DAB1: variants seen among roughly 807,000 people sequenced by gnomAD.
DAB1 encodes disabled homolog 1.
A neutral mutation model predicts 64.6 loss-of-function variants in DAB1; 15 were observed. The observed-to-expected ratio is 0.23, with a 90% CI of 0.16 to 0.36. The LOEUF (loss-of-function observed/expected upper bound fraction) is 0.36. Among genes scored for constraint, DAB1 ranks in the 10% least tolerant of loss-of-function variants. DAB1 has a pLI of 1.00. For missense variants in DAB1, 596 were observed against 706.7 expected, an observed-to-expected ratio of 0.84 and a Z score of 1.78; for synonymous variants, 235 against 251.9, an observed-to-expected ratio of 0.93 and a Z score of 0.64.
At chr1:58,461,317 G>A (rs192624132) in intron 3 of DAB1, among the ~76,000 whole-genome samples, 1 of 152,226 alleles carries the variant, frequency 6.6e-6, no homozygotes, top group East Asian at 1.9e-4. Context: ...TGCCAGTAGA[G>A]GAATATGATC....
chr1:58,531,691 T>C (rs906219461), intron 1 of DAB1, among the ~76,000 whole-genome samples: 16 of 142,580 alleles, frequency 1.1e-4, no homozygotes, highest in African/African-American at 4.1e-4. Context: ...CAAATGTGTG[T>C]TTTGAAAAAC....
intron 7 of DAB1, among the ~76,000 whole-genome samples, chr1:57,536,833 G>A (rs2101435455): frequency 6.6e-6 from 1 of 151,360 alleles, no homozygotes; most frequent in Non-Finnish European, 1.5e-5. Context: ...CCATGCTTCT[G>A]TTCCCATGGT....
At chr1:58,423,811 C>T (rs150837260) in intron 3 of DAB1, among the ~76,000 whole-genome samples, 110 of 152,324 alleles carry the variant, frequency 7.2e-4, no homozygotes, top group African/African-American at 2.4e-3. Context: ...CTGTTGCTAA[C>T]CCCTGAGTGC....
chr1:57,263,049 A>G (rs955797338), intron 2 of DAB1, among the ~76,000 whole-genome samples: 1 of 152,216 alleles, frequency 6.6e-6, no homozygotes, highest in African/African-American at 2.4e-5. Context: ...TCTTAAAAGC[A>G]GTGTGACCTG....
chr1:57,450,941 A>G (rs1435520839), intron 7 of DAB1, among the ~76,000 whole-genome samples: 3 of 152,212 alleles, frequency 2.0e-5, no homozygotes, highest in Admixed American at 6.5e-5. Flanking sequence ...CACAGTTAAC[A>G]TGTGCAATAG....
chr1:57,196,380 A>C lies in DAB1; in HGVS notation c.68-50951T>G, dbSNP rs192075466. Among the ~76,000 whole-genome samples the C allele has an allele frequency of 9.7e-4, 147 of 152,276 alleles. 2 individuals are homozygous for C. Among genetic ancestry groups the C allele is most frequent in the Non-Finnish European group, 4.4e-5 (3 of 68,030 alleles). ...GGCTGCCAAGGCACTTTCTTGGCAA[A>C]TCTCTCTTTTCTTTCCTTGTCCATC... is the stretch of plus-strand genomic sequence containing the variant. On this transcript the variant is annotated intron_variant, in intron 2 of 14. Transcript: ENST00000371236.
At chr1:57,732,463 A>G (rs1647481288) in intron 6 of DAB1, among the ~76,000 whole-genome samples, 1 of 152,224 alleles carries the variant, frequency 6.6e-6, no homozygotes, top group Non-Finnish European at 1.5e-5. Flanking sequence ...GCTACGATTC[A>G]TCGGGTAAGT....
chr1:57,990,576 C>A (rs917573225), intron 5 of DAB1, among the ~76,000 whole-genome samples: 5 of 152,174 alleles, frequency 3.3e-5, no homozygotes, highest in African/African-American at 7.2e-5. Context: ...GGGCCTGACA[C>A]AGGTCTTTCG....
At chr1:58,251,855 T>G (rs917220745) in intron 4 of DAB1, among the ~76,000 whole-genome samples, 12 of 152,164 alleles carry the variant, frequency 7.9e-5, no homozygotes, top group Non-Finnish European at 1.5e-4. Flanking sequence ...GGGGCGTGGG[T>G]GGAAGGAGAG....
intron 7 of DAB1, among the ~76,000 whole-genome samples, chr1:57,464,350 C>A (rs1686885913): frequency 6.6e-6 from 1 of 152,166 alleles, no homozygotes; most frequent in African/African-American, 2.4e-5. Context: ...ACCTGAGTAA[C>A]TCCTAACTCC....
intron 3 of DAB1, among the ~76,000 whole-genome samples, chr1:58,345,758 A>C (rs1219789684): frequency 2.7e-5 from 4 of 150,200 alleles, no homozygotes; most frequent in Non-Finnish European, 5.9e-5. Flanking sequence ...CTGCTTCCTC[A>C]CCCACCCCCA....
chr1:57,677,976 G>T lies in DAB1; in HGVS notation n.552-28311C>A, dbSNP rs570225917. The stretch of plus-strand genomic sequence containing the variant: ...CTCAGCTACACGTTGGAATCATCTG[G>T]AAAACTTTAGAAAACATTGATGTCT... On this transcript the variant is annotated intron_variant and non_coding_transcript_variant, in intron 6 of 20. Transcript: ENST00000485760. 7.9e-5 allele frequency among the ~76,000 whole-genome samples: 12 copies of T among 152,244 alleles called. No individual in the cohort carries two copies. The South Asian group carries it at 2.5e-3, about 32-fold the overall frequency.
At chr1:57,664,397 G>T (rs1230030658) in intron 6 of DAB1, among the ~76,000 whole-genome samples, 1 of 152,072 alleles carries the variant, frequency 6.6e-6, no homozygotes, top group African/African-American at 2.4e-5. Context: ...TGAATGCTTG[G>T]CACATTGCAT....
At chr1:58,281,429 C>A (rs1661560639) in intron 4 of DAB1, among the ~76,000 whole-genome samples, 1 of 152,062 alleles carries the variant, frequency 6.6e-6, no homozygotes, top group African/African-American at 2.4e-5. Flanking sequence ...TCCGATCCAC[C>A]TATATCTCTC....
At chr1:57,308,149 C>G (rs1432681972) in intron 1 of DAB1, among the ~76,000 whole-genome samples, 1 of 152,134 alleles carries the variant, frequency 6.6e-6, no homozygotes, top group Admixed American at 6.5e-5. Flanking sequence ...AAGAGCCAAA[C>G]TAGTAGGTCA....
chr1:57,720,038 T>C (rs538289928), intron 6 of DAB1, among the ~76,000 whole-genome samples: 1 of 152,316 alleles, frequency 6.6e-6, no homozygotes, highest in Admixed American at 6.5e-5. Flanking sequence ...TTTCTCTGAG[T>C]TTCCGTCTGG....
intron 7 of DAB1, among the ~76,000 whole-genome samples, chr1:57,593,629 T>C (rs1282310790): frequency 6.6e-6 from 1 of 152,168 alleles, no homozygotes; most frequent in Non-Finnish European, 1.5e-5. Context: ...AAGATAGCTA[T>C]AAAAGACGCA....
At chr1:57,193,257 C>T (rs1196206876) in intron 2 of DAB1, among the ~76,000 whole-genome samples, 2 of 152,090 alleles carry the variant, frequency 1.3e-5, no homozygotes, top group Non-Finnish European at 2.9e-5. Context: ...CACCACTCTG[C>T]TCTCTGCCTC....
At chr1:58,473,210 A>C (rs1645380278) in intron 3 of DAB1, among the ~76,000 whole-genome samples, 1 of 152,202 alleles carries the variant, frequency 6.6e-6, no homozygotes, top group South Asian at 2.1e-4. Context: ...GGTCTGAGTC[A>C]AGTCACTCAG....
Sources: allele counts gnomAD v4.1 joint callset (sites outside exome capture counted in the v4.1 genomes callset), GRCh38; gene constraint gnomAD v4.1.1; transcripts MANE v1.5; gene names NCBI Gene and HGNC (gene_info 2026-07-23, HGNC 2026-07-21).